The following ELP4 variants were observed in gnomAD, a reference collection of about 807,000 sequenced individuals.
ELP4 encodes elongator acetyltransferase complex subunit 4, also known as elongator complex protein 4.
ELP4 carries 51 observed loss-of-function variants against 48.9 expected under a neutral mutation model. The observed-to-expected ratio is 1.04, with a 90% CI of 0.83 to 1.32. The LOEUF (loss-of-function observed/expected upper bound fraction) is 1.32, where lower values mean the gene tolerates loss of function less well. Ranked by LOEUF, ELP4 falls within the 40% of genes most tolerant of loss-of-function variation. The pLI, the probability that ELP4 is intolerant of heterozygous loss-of-function variation, is 0.00. For missense variants in ELP4, 519 were observed against 514.6 expected, an observed-to-expected ratio of 1.01 and a Z score of -0.08; for synonymous variants, 210 against 189.2, an observed-to-expected ratio of 1.11 and a Z score of -0.90.
intron 9 of ELP4, among the ~76,000 whole-genome samples, chr11:31,660,140 C>G (rs931187844): frequency 6.6e-6 from 1 of 152,012 alleles, no homozygotes; most frequent in African/African-American, 2.4e-5. Flanking sequence ...GCTTATCTTT[C>G]TGATCAATAG....
intron 5 of ELP4, among the ~76,000 whole-genome samples, chr11:31,623,231 A>G (rs553691828): frequency 2.0e-5 from 3 of 149,998 alleles, no homozygotes; most frequent in African/African-American, 7.3e-5. Context: ...CTTCTTGCCA[A>G]CTCCTGTTTT....
At chr11:31,515,169 A>G (rs1466082231) in intron 1 of ELP4, among the ~76,000 whole-genome samples, 3 of 152,050 alleles carry the variant, frequency 2.0e-5, no homozygotes, top group South Asian at 2.1e-4. Context: ...CCCCACAACT[A>G]TCCTTCACAG....
intron 1 of ELP4, among the ~76,000 whole-genome samples, chr11:31,515,941 G>T (rs987811133): frequency 1.3e-5 from 2 of 151,986 alleles, no homozygotes; most frequent in Non-Finnish European, 2.9e-5. Context: ...AAACCCCGTC[G>T]CTACTAAAAA....
intron 1 of ELP4, among the ~76,000 whole-genome samples, chr11:31,514,067 C>G (rs1956060697): frequency 6.6e-6 from 1 of 152,140 alleles, no homozygotes; most frequent in Non-Finnish European, 1.5e-5. Context: ...AACCTTTCAA[C>G]CTCTTGTATT....
chr11:31,536,297 G>A (rs1010266963), intron 2 of ELP4, among the ~76,000 whole-genome samples: 4 of 152,052 alleles, frequency 2.6e-5, no homozygotes, highest in Admixed American at 6.5e-5. Flanking sequence ...TTCCTGGATC[G>A]TATAATAAGT....
intron 7 of ELP4, among the ~76,000 whole-genome samples, chr11:31,634,925 T>C (rs1231454835): frequency 6.6e-6 from 1 of 151,970 alleles, no homozygotes; most frequent in Non-Finnish European, 1.5e-5. Context: ...TTCTAAAATT[T>C]TTCCAATTTT....
chr11:31,566,123 C>T (rs1425401249), intron 3 of ELP4, among the ~76,000 whole-genome samples: 2 of 152,006 alleles, frequency 1.3e-5, no homozygotes, highest in Non-Finnish European at 2.9e-5. Context: ...TTTGGATGAT[C>T]AAGGCGGTTA....
intron 9 of ELP4, among the ~76,000 whole-genome samples, chr11:31,754,936 G>C (rs1947801756): frequency 1.3e-5 from 2 of 152,186 alleles, no homozygotes; most frequent in South Asian, 4.1e-4. Context: ...TCTAGTGCCA[G>C]TTCTTGCTCT....
intron 7 of ELP4, among the ~76,000 whole-genome samples, chr11:31,638,759 A>T (rs1346051273): frequency 2.0e-5 from 3 of 151,818 alleles, no homozygotes; most frequent in Admixed American, 6.6e-5. Flanking sequence ...TTTTTTGTTC[A>T]TGCTGAGTAT....
At chr11:31,774,297 T>TA (rs1948203115) in intron 9 of ELP4, among the ~76,000 whole-genome samples, 1 of 152,142 alleles carries the variant, frequency 6.6e-6, no homozygotes, top group Non-Finnish European at 1.5e-5. Context: ...GCAATACCCT[T>TA]AATCTTTTTT....
chr11:31,661,304 G>A (rs2134090532), intron 9 of ELP4, among the ~76,000 whole-genome samples: 1 of 152,148 alleles, frequency 6.6e-6, no homozygotes, highest in South Asian at 2.1e-4. Context: ...GGACTGATTG[G>A]TGTATAAAAA....
At chr11:31,644,384 C>T (rs1945159601) in intron 7 of ELP4, among the ~76,000 whole-genome samples, 1 of 151,750 alleles carries the variant, frequency 6.6e-6, no homozygotes, top group Non-Finnish European at 1.5e-5. Flanking sequence ...GCCTCTACTT[C>T]TCCATTTCTA....
At chr11:31,747,495 T>C (rs1037384284) in intron 9 of ELP4, among the ~76,000 whole-genome samples, 2 of 152,140 alleles carry the variant, frequency 1.3e-5, no homozygotes, top group Non-Finnish European at 2.9e-5. Context: ...GGAAAAGGAC[T>C]AGATGGAATT....
At chr11:31,755,886 T>C (rs1260724589) in intron 9 of ELP4, among the ~76,000 whole-genome samples, 1 of 152,174 alleles carries the variant, frequency 6.6e-6, no homozygotes, top group Non-Finnish European at 1.5e-5. Context: ...ACATCCAATT[T>C]CTCACCAAAT....
At chr11:31,702,554 T>C (rs1264608939) in intron 9 of ELP4, among the ~76,000 whole-genome samples, 1 of 152,230 alleles carries the variant, frequency 6.6e-6, no homozygotes, top group East Asian at 1.9e-4. Context: ...GAGATAAATT[T>C]TATGCTATGT....
At chr11:31,644,994 A>T (rs1411011778) in intron 7 of ELP4, among the ~76,000 whole-genome samples, 1 of 151,764 alleles carries the variant, frequency 6.6e-6, no homozygotes, top group Non-Finnish European at 1.5e-5. Flanking sequence ...TTCACAATTA[A>T]TCTGGTCTGC....
At chr11:31,697,108 T>C (rs1946425666) in intron 9 of ELP4, among the ~76,000 whole-genome samples, 1 of 152,054 alleles carries the variant, frequency 6.6e-6, no homozygotes. Flanking sequence ...CAAGAAGAGC[T>C]AACTATCCTA....
rs1948445058 is a variant in ELP4 at position 31,784,361 on chromosome 11, A to C, written c.*837A>C. ...GCATCACATAAATATTTTGTTAATA[A>C]TGAACATTGGTTGAGTGTGTAAATT... On this transcript the variant is annotated 3_prime_UTR_variant, in exon 10 of 10. Transcript: ENST00000640961. 6.6e-6 allele frequency: 1 copy of C among 152,160 alleles called. No homozygotes were observed. The highest frequency in any genetic ancestry group is 3.2e-3 in the Middle Eastern group (1 of 316). The allele number at this position is 152,160 out of a possible 1,614,324, so 9.4% of individuals were successfully genotyped here. A position where few individuals can be genotyped will look rare whatever the true frequency, so the allele number is the denominator to read the frequency against.
intron 3 of ELP4, among the ~76,000 whole-genome samples, chr11:31,550,744 A>T (rs1956834745): frequency 6.6e-6 from 1 of 152,166 alleles, no homozygotes; most frequent in Non-Finnish European, 1.5e-5. Context: ...TGCCTCACTG[A>T]TGAAGATTTC....
Sources: gnomAD v4.1 joint callset for allele counts (sites outside exome capture counted in the v4.1 genomes callset) on GRCh38, gnomAD v4.1.1 for gene constraint, MANE v1.5 for transcripts, NCBI Gene and HGNC (gene_info 2026-07-23, HGNC 2026-07-21) for gene names.